The following SH2D4B variants were observed in gnomAD, a reference collection of about 807,000 sequenced individuals.
SH2D4B encodes the protein SH2 domain containing 4B.
In SH2D4B, 45 loss-of-function variants were observed where a neutral mutation model predicts 61.5. That is an observed-to-expected ratio of 0.73 (90% confidence interval 0.58 to 0.94). SH2D4B has a LOEUF of 0.94. SH2D4B is among the 40% of genes least tolerant of loss of function. The pLI is 0.00. For synonymous variants in SH2D4B, 224 were observed against 220.4 expected, an observed-to-expected ratio of 1.02 and a Z score of -0.14; for missense variants, 572 against 574.2, an observed-to-expected ratio of 1.00 and a Z score of 0.04.
intron 6 of SH2D4B, among the ~76,000 whole-genome samples, chr10:80,615,734 G>T (rs1564784713): frequency 6.6e-6 from 1 of 152,202 alleles, no homozygotes; most frequent in Non-Finnish European, 1.5e-5. Context: ...TGAAGATTTG[G>T]AATCTGTTGA....
At chr10:80,542,394 CT>C (rs1841592704) in intron 1 of SH2D4B, among the ~76,000 whole-genome samples, 1 of 123,928 alleles carries the variant, frequency 8.1e-6, no homozygotes, top group Admixed American at 8.1e-5. Context: ...CCTGTCAGTT[CT>C]ATCTTTTTTT....
Position 80,564,951 on chromosome 10 carries a change from C to G in SH2D4B, c.185-5203C>G, listed in dbSNP as rs202174351. 4.6e-5 allele frequency among the ~76,000 whole-genome samples: 7 copies of G among 152,284 alleles called. No individual in the cohort carries two copies. The East Asian group carries it at 1.3e-3, about 29-fold the overall frequency. On this transcript the variant is annotated intron_variant, in intron 1 of 7. Coordinates refer to ENST00000646907, the MANE Select transcript of SH2D4B (RefSeq NM_001388272.1). ...AATCACAGCAGATACAGAGAGACTC[C>G]AGGGATGCCTCATGGTCAGAACAAA...
At chr10:80,546,040 C>T (rs1201192003) in intron 1 of SH2D4B, among the ~76,000 whole-genome samples, 17 of 147,894 alleles carry the variant, frequency 1.1e-4, no homozygotes, top group South Asian at 2.1e-4. Flanking sequence ...TTCTTTCTCT[C>T]TCTTTCTTTT....
intron 4 of SH2D4B, among the ~76,000 whole-genome samples, chr10:80,589,153 G>A (rs548136849): frequency 6.6e-6 from 1 of 151,792 alleles, no homozygotes; most frequent in African/African-American, 2.4e-5. Context: ...ACAGGCACCC[G>A]CCACCAAGCC....
chr10:80,625,573 C>CTTTTTTT (rs564697811), intron 6 of SH2D4B, among the ~76,000 whole-genome samples: 31 of 136,612 alleles, frequency 2.3e-4, no homozygotes, highest in African/African-American at 2.9e-4. Context: ...TTTTCTTTTT[C>CTTTTTTT]TTTTTTTTTC....
chr10:80,555,106 C>G (rs1358330083), intron 1 of SH2D4B, among the ~76,000 whole-genome samples: 1 of 151,490 alleles, frequency 6.6e-6, no homozygotes, highest in African/African-American at 2.4e-5. Context: ...TTCACCATCA[C>G]AGCATGTAAT....
intron 6 of SH2D4B, among the ~76,000 whole-genome samples, chr10:80,611,677 G>A (rs574171719): frequency 1.1e-4 from 17 of 152,348 alleles, no homozygotes; most frequent in South Asian, 2.1e-4. Flanking sequence ...GGAGTGGCAC[G>A]TGGGTGAGAG....
chr10:80,544,908 G>A (rs1453316506), intron 1 of SH2D4B, among the ~76,000 whole-genome samples: 1 of 152,122 alleles, frequency 6.6e-6, no homozygotes, highest in Non-Finnish European at 1.5e-5. Flanking sequence ...TGCATGGAAT[G>A]CCCTTTCCCC....
chr10:80,554,353 T>A (rs981551991), intron 1 of SH2D4B, among the ~76,000 whole-genome samples: 1 of 152,200 alleles, frequency 6.6e-6, no homozygotes, highest in Admixed American at 6.5e-5. Flanking sequence ...GTTCTGAAGT[T>A]CTGATTCAAT....
intron 6 of SH2D4B, among the ~76,000 whole-genome samples, chr10:80,615,703 T>A (rs1312848102): frequency 6.6e-6 from 1 of 151,884 alleles, no homozygotes; most frequent in African/African-American, 2.4e-5. Flanking sequence ...CCAGGATTAG[T>A]AGGAAGACAG....
chr10:80,617,805 A>T (rs924405547), intron 6 of SH2D4B, among the ~76,000 whole-genome samples: 1 of 152,154 alleles, frequency 6.6e-6, no homozygotes, highest in Non-Finnish European at 1.5e-5. Context: ...TTACCAAGCA[A>T]TGCATCAGCC....
chr10:80,642,091 A>C (rs780839325), intron 7 of SH2D4B, among the ~76,000 whole-genome samples: 8 of 152,148 alleles, frequency 5.3e-5, no homozygotes, highest in Non-Finnish European at 1.0e-4. Flanking sequence ...TTTTCCACAT[A>C]AGTTGGGTAG....
intron 6 of SH2D4B, among the ~76,000 whole-genome samples, chr10:80,625,135 A>G (rs1842756683): frequency 6.6e-6 from 1 of 151,692 alleles, no homozygotes; most frequent in African/African-American, 2.4e-5. Context: ...CAGTGTATTT[A>G]TTTTTCAGTT....
intron 1 of SH2D4B, among the ~76,000 whole-genome samples, chr10:80,543,828 T>C (rs933279718): frequency 1.3e-5 from 2 of 152,134 alleles, no homozygotes; most frequent in Non-Finnish European, 2.9e-5. Context: ...ATGGACACTC[T>C]GTATCTAGCT....
intron 6 of SH2D4B, among the ~76,000 whole-genome samples, chr10:80,618,520 C>T (rs76699504): frequency 6.6e-6 from 1 of 152,230 alleles, no homozygotes; most frequent in Non-Finnish European, 1.5e-5. Context: ...TCATTCATCA[C>T]AATCTCTGTG....
chr10:80,624,906 A>G (rs1323902196), intron 6 of SH2D4B, among the ~76,000 whole-genome samples: 2 of 152,230 alleles, frequency 1.3e-5, no homozygotes, highest in Non-Finnish European at 2.9e-5. Context: ...CTTACCATAT[A>G]TGTATATACA....
intron 6 of SH2D4B, among the ~76,000 whole-genome samples, chr10:80,609,893 C>T (rs542238869): frequency 1.5e-4 from 23 of 152,284 alleles, no homozygotes; most frequent in Admixed American, 3.3e-4. Flanking sequence ...GGACCCCCAT[C>T]CCTGGATCCT....
rs1271946390 is a variant in SH2D4B, at chr10:80,555,009, A to G, written c.185-15145A>G. On this transcript the variant is annotated intron_variant, in intron 1 of 7. Transcript: ENST00000646907. ...GGGCGACAAGGCGAGTCTCAAAAAA[A>G]AAAAAAAAAAAAAAAAAATCCATGA... 2.0e-5 allele frequency among the ~76,000 whole-genome samples: 3 copies of G among 150,190 alleles called. No homozygotes were observed. The East Asian group carries it at 5.8e-4, about 29-fold the overall frequency.
At chr10:80,623,945 C>G (rs1016752966) in intron 6 of SH2D4B, among the ~76,000 whole-genome samples, 1 of 152,158 alleles carries the variant, frequency 6.6e-6, no homozygotes, top group Admixed American at 6.5e-5. Flanking sequence ...TGGACCTGTG[C>G]AGTGTCTTTC....
Sources: gnomAD v4.1 joint callset for allele counts (sites outside exome capture counted in the v4.1 genomes callset) on GRCh38, gnomAD v4.1.1 for gene constraint, MANE v1.5 for transcripts, NCBI Gene and HGNC (gene_info 2026-07-23, HGNC 2026-07-21) for gene names.